TTLL9: variants seen among roughly 807,000 people sequenced by gnomAD.
The protein encoded by TTLL9 is tubulin tyrosine ligase like 9.
Under a neutral mutation model 65.6 loss-of-function variants are expected in TTLL9, and 47 were observed. The observed-to-expected ratio is 0.72, with a 90% CI of 0.57 to 0.91. TTLL9 has a LOEUF of 0.91. TTLL9 is among the 40% of genes least tolerant of loss of function. The probability of loss-of-function intolerance (pLI) is 0.00; values close to 1 mark genes in which losing one functional copy is unlikely to be tolerated. For synonymous variants in TTLL9, 179 were observed against 204.8 expected (o/e 0.87, Z 1.07); for missense variants, 537 against 568.8 (o/e 0.94, Z 0.57).
In TTLL9 at chr20:31,943,917, G is replaced by C; in HGVS notation, c.*896G>C. On this transcript the variant is annotated 3_prime_UTR_variant, in exon 15 of 15. Coordinates refer to ENST00000535842, the MANE Select transcript of TTLL9 (RefSeq NM_001008409.5). ...CTTGGTTTAAGAGGGGTTGCAACAA[G>C]ACTCGGGGCTGTTGGGGTAACTGTT... 1 of 443,028 alleles carries C rather than the reference G, an allele frequency of 2.3e-6. No individual in the cohort carries two copies. The allele number at this position is 443,028 out of a possible 1,614,324, so 27.4% of individuals were successfully genotyped here.
chr20:31,883,028 C>T (rs544436453), intron 2 of TTLL9, among the ~76,000 whole-genome samples: 12 of 152,120 alleles, frequency 7.9e-5, no homozygotes, highest in Non-Finnish European at 1.3e-4. Context: ...TGTCATGGGG[C>T]CCACTGGGCA....
intron 2 of TTLL9, among the ~76,000 whole-genome samples, chr20:31,872,540 C>T (rs1035075443): frequency 2.0e-5 from 3 of 151,590 alleles, no homozygotes; most frequent in African/African-American, 7.3e-5. Context: ...TTAGCCGGGA[C>T]CTGTAGTCCA....
intron 3 of TTLL9, among the ~76,000 whole-genome samples, chr20:31,897,312 AGAG>A (rs1198648902): frequency 6.6e-6 from 1 of 152,186 alleles, no homozygotes; most frequent in Non-Finnish European, 1.5e-5. Flanking sequence ...GTAGGTGTGT[AGAG>A]CTGTTAGTAG....
At chr20:31,891,301 A>G (rs1456991174) in intron 3 of TTLL9, among the ~76,000 whole-genome samples, 1 of 152,098 alleles carries the variant, frequency 6.6e-6, no homozygotes, top group Admixed American at 6.6e-5. Context: ...TCCAATGTGC[A>G]CCCCATCAGC....
chr20:31,879,700 G>A, intron 2 of TTLL9: 2 of 947,098 alleles, frequency 2.1e-6, no homozygotes, highest in Non-Finnish European at 3.0e-6. Context: ...AGGCTGCCAG[G>A]ACGCCCAATA....
intron 3 of TTLL9, among the ~76,000 whole-genome samples, chr20:31,894,601 A>G (rs2063355873): frequency 6.6e-6 from 1 of 152,006 alleles, no homozygotes; most frequent in African/African-American, 2.4e-5. Context: ...TTATATTTTT[A>G]GAACTGCACT....
intron 14 of TTLL9, 82 bp downstream of exon 14, chr20:31,939,348 G>A: frequency 6.6e-7 from 1 of 1,519,996 alleles, no homozygotes; most frequent in Non-Finnish European, 8.9e-7. Context: ...GCTTGGGATA[G>A]TGGTTAGATT....
chr20:31,927,676 G>C (rs1003332331), intron 10 of TTLL9, among the ~76,000 whole-genome samples: 1 of 152,134 alleles, frequency 6.6e-6, no homozygotes, highest in African/African-American at 2.4e-5. Context: ...TTAGGCCTGA[G>C]CCTCAGAAGA....
chr20:31,918,783 T>A (rs1443161364), intron 6 of TTLL9, among the ~76,000 whole-genome samples: 1 of 152,226 alleles, frequency 6.6e-6, no homozygotes, highest in Non-Finnish European at 1.5e-5. Flanking sequence ...CACTTATTAG[T>A]TGCTTTCTAA....
intron 9 of TTLL9, chr20:31,925,738 G>C: frequency 4.2e-6 from 3 of 717,732 alleles, no homozygotes; most frequent in Non-Finnish European, 7.1e-6. Flanking sequence ...AAAAGCAGGT[G>C]CCTGAAGGAT....
chr20:31,926,358 T>G (rs6089119), intron 10 of TTLL9, among the ~76,000 whole-genome samples: 23,964 of 152,222 alleles, frequency 0.16, 2,101 homozygotes, highest in Non-Finnish European at 0.19. Context: ...ACAATGCTAT[T>G]TTCACCCATC....
chr20:31,878,233 A>G (rs1454202573), intron 2 of TTLL9, among the ~76,000 whole-genome samples: 1 of 152,244 alleles, frequency 6.6e-6, no homozygotes, highest in Non-Finnish European at 1.5e-5. Context: ...TATTTGTTCT[A>G]ATACTCTGTA....
chr20:31,924,894 A>G, intron 8 of TTLL9, 115 bp from the exon 9 acceptor site: 1 of 1,141,842 alleles, frequency 8.8e-7, no homozygotes, highest in Non-Finnish European at 1.3e-6. Flanking sequence ...TAGTTTCAGC[A>G]GGAGCTTCAT....
chr20:31,874,582 G>A (rs2063011515), intron 2 of TTLL9, among the ~76,000 whole-genome samples: 1 of 151,922 alleles, frequency 6.6e-6, no homozygotes, highest in Non-Finnish European at 1.5e-5. Context: ...GCTAATTTTT[G>A]TATTTTTAGT....
chr20:31,906,124 G>A (rs189089538), intron 4 of TTLL9, among the ~76,000 whole-genome samples: 2 of 151,290 alleles, frequency 1.3e-5, no homozygotes, highest in East Asian at 3.9e-4. Flanking sequence ...TGTTCCAGTT[G>A]CTATGGCTGT....
intron 12 of TTLL9, 151 bp from the exon 13 acceptor site, chr20:31,937,245 T>C (rs936959104): frequency 5.8e-6 from 3 of 520,482 alleles, no homozygotes; most frequent in Middle Eastern, 4.7e-4. Flanking sequence ...CCTATCTCTA[T>C]AAAAATAATT....
chr20:31,922,876 C>G, intron 7 of TTLL9, 87 bp from the exon 8 acceptor site: 1 of 1,044,584 alleles, frequency 9.6e-7, no homozygotes, highest in Non-Finnish European at 1.4e-6. Context: ...ATTCAGTGAG[C>G]TACCCAAAGT....
chr20:31,884,241 T>C, intron 2 of TTLL9: 1 of 346,580 alleles, frequency 2.9e-6, no homozygotes, highest in Non-Finnish European at 5.3e-6. Flanking sequence ...TTATTTATTT[T>C]TTGAGATGGA....
intron 4 of TTLL9, among the ~76,000 whole-genome samples, chr20:31,905,309 A>C (rs1239535908): frequency 6.6e-6 from 1 of 151,904 alleles, no homozygotes; most frequent in African/African-American, 2.4e-5. Flanking sequence ...TCCTGACCTC[A>C]GGTGATCCAC....
Sources: gnomAD v4.1 joint callset for allele counts (sites outside exome capture counted in the v4.1 genomes callset) on GRCh38, gnomAD v4.1.1 for gene constraint, MANE v1.5 for transcripts, NCBI Gene and HGNC (gene_info 2026-07-23, HGNC 2026-07-21) for gene names.